Variants in CC2D2A observed in about 807,000 individuals in gnomAD.
The protein encoded by CC2D2A is coiled-coil and C2 domain containing 2A.
Under a neutral mutation model 212.9 loss-of-function variants are expected in CC2D2A, and 155 were observed. The ratio of observed to expected loss-of-function variants is 0.73; its 90% CI spans 0.64 to 0.83. The LOEUF is 0.83. Among genes scored for constraint, CC2D2A ranks in the 40% least tolerant of loss-of-function variants. CC2D2A has a pLI of 0.00. For missense variants in CC2D2A, 1,856 were observed against 1,956.2 expected, an observed-to-expected ratio of 0.95 and a Z score of 0.97; for synonymous variants, 667 against 686.5, an observed-to-expected ratio of 0.97 and a Z score of 0.44.
intron 4 of CC2D2A, among the ~76,000 whole-genome samples, chr4:15,497,612 A>G (rs186726121): frequency 6.6e-6 from 1 of 152,360 alleles, no homozygotes; most frequent in Admixed American, 6.5e-5. Flanking sequence ...ACAGCAATTT[A>G]TATTCCTACC....
At position 15,545,869 on chromosome 4, in the gene CC2D2A, G is replaced by T. The variant is rs533155763; in HGVS notation, c.2181+4855G>T. On this transcript the variant is annotated intron_variant, in intron 17 of 36. Coordinates refer to ENST00000424120, the MANE Select transcript of CC2D2A (RefSeq NM_001378615.1). ...CACACCTATCATCCCAGCACTTTGG[G>T]AGGCTGAGACGGAAGGATAGCTTGG... is the stretch of plus-strand genomic sequence containing the variant. Among the ~76,000 whole-genome samples the T allele has an allele frequency of 3.9e-5, 6 of 152,278 alleles. No individual in the cohort carries two copies. The East Asian group carries it at 9.6e-4, about 24-fold the overall frequency.
chr4:15,571,515 A>G (rs757088252), intron 28 of CC2D2A, among the ~76,000 whole-genome samples: 9 of 151,746 alleles, frequency 5.9e-5, no homozygotes, highest in Non-Finnish European at 8.8e-5. Flanking sequence ...ACCAAGACCA[A>G]TGGTGTGAAC....
chr4:15,500,075 TTGTGTG>T (rs753590658), intron 4 of CC2D2A, among the ~76,000 whole-genome samples: 2,105 of 124,330 alleles, frequency 0.017, 64 homozygotes, highest in African/African-American at 0.061. Context: ...CAAACCTAGA[TTGTGTG>T]TGTGTGTGTG....
At chr4:15,535,861 C>T (rs921387813) in intron 14 of CC2D2A, among the ~76,000 whole-genome samples, 18 of 152,114 alleles carry the variant, frequency 1.2e-4, no homozygotes, top group Admixed American at 3.9e-4. Flanking sequence ...AGTCAGTATT[C>T]GGCACCATCT....
At chr4:15,596,436 C>G (rs1169794336) in intron 34 of CC2D2A, among the ~76,000 whole-genome samples, 2 of 151,736 alleles carry the variant, frequency 1.3e-5, no homozygotes, top group Admixed American at 6.6e-5. Flanking sequence ...TATAAAGTTT[C>G]ATGACATAAA....
At chr4:15,582,023 G>A (rs1720683160) in intron 30 of CC2D2A, among the ~76,000 whole-genome samples, 1 of 152,140 alleles carries the variant, frequency 6.6e-6, no homozygotes, top group Non-Finnish European at 1.5e-5. Flanking sequence ...CTCCAGACAG[G>A]AGAATTATTG....
intron 21 of CC2D2A, among the ~76,000 whole-genome samples, chr4:15,558,493 T>C (rs1719401864): frequency 6.6e-6 from 1 of 152,112 alleles, no homozygotes; most frequent in Non-Finnish European, 1.5e-5. Context: ...CTAGGCTTCT[T>C]TGATGTGTTG....
chr4:15,547,877 T>C (rs949572157), intron 17 of CC2D2A, among the ~76,000 whole-genome samples: 2 of 151,830 alleles, frequency 1.3e-5, no homozygotes, highest in Non-Finnish European at 2.9e-5. Context: ...CCGTCTCTAT[T>C]AAAAATAGAA....
intron 29 of CC2D2A, 112 bp from the exon 30 acceptor site, chr4:15,579,856 A>G: frequency 1.3e-6 from 1 of 790,114 alleles, no homozygotes; most frequent in Non-Finnish European, 2.1e-6. Context: ...CTTTGTAAGG[A>G]GTCAGTCATA....
chr4:15,559,523 G>GT (rs2109060525), intron 22 of CC2D2A, among the ~76,000 whole-genome samples: 1 of 152,182 alleles, frequency 6.6e-6, no homozygotes, highest in African/African-American at 2.4e-5. Flanking sequence ...TCTAAGTCAT[G>GT]TTTTTTCTAA....
intron 4 of CC2D2A, among the ~76,000 whole-genome samples, chr4:15,499,136 G>A (rs182937738): frequency 9.2e-5 from 14 of 152,326 alleles, no homozygotes; most frequent in Admixed American, 8.5e-4. Context: ...GTGGAGCACA[G>A]AAGGTTTGAA....
chr4:15,579,935 T>C, intron 29 of CC2D2A, 33 bp from the exon 30 acceptor site: 1 of 1,542,162 alleles, frequency 6.5e-7, no homozygotes. Flanking sequence ...CTTGTAATCA[T>C]ACATAAACTC....
In CC2D2A at chr4:15,481,246, C is replaced by T. The variant is rs779151956; in HGVS notation, c.247+419C>T. The stretch of plus-strand genomic sequence containing the variant: ...TGGGCAGGCCAGGCACGGTGACTCA[C>T]GTCTGTAATCCCAGCACTTTGGAAG... On this transcript the variant is annotated intron_variant, in intron 4 of 36. Transcript: ENST00000424120. 1.6e-4 allele frequency: 75 copies of T among 454,754 alleles called. 3 individuals carry two copies. Among genetic ancestry groups the T allele is most frequent in the South Asian group, 9.9e-4 (64 of 64,420 alleles). 28.2% of individuals were successfully genotyped at this position (454,754 alleles called of 1,614,324 possible). A position where few individuals can be genotyped will look rare whatever the true frequency, so the allele number is the denominator to read the frequency against.
At chr4:15,475,845 A>C in intron 1 of CC2D2A, 70 bp from the exon 2 acceptor site, 5 of 1,213,586 alleles carry the variant, frequency 4.1e-6, no homozygotes, top group Non-Finnish European at 4.8e-6. Context: ...AGCCTCTTAC[A>C]TATCCATAGT....
In CC2D2A at chr4:15,557,476, A is replaced by C; in HGVS notation, c.2798A>C (p.Tyr933Ser). ...CGAAATTATAAGCAAGTTCCAGTCT[A>C]TGACCGAGAAATTATGGAAAAGGTA... ...EFRNYKQVPV[Y>S]DREIMEKVFQ... is the part of the protein sequence containing the mutation. The change falls in exon 21 of 37, where the codon TAT becomes TCT. Residue 933 changes from tyrosine (Y) to serine (S), a missense_variant. Tyr to Ser is a moderately radical substitution (Grantham distance 144, BLOSUM62 -2). Around this residue, in one of 5 missense-constraint regions of CC2D2A, gnomAD observed 1,512 missense variants for 1,579.3 expected, o/e 0.96. Coordinates refer to ENST00000424120, the MANE Select transcript of CC2D2A (RefSeq NM_001378615.1). 6.2e-7 allele frequency: 1 copy of C among 1,610,062 alleles called. No individual in the cohort carries two copies. The highest frequency in any genetic ancestry group is 8.5e-7 in the Non-Finnish European group (1 of 1,178,236).
At chr4:15,575,192 C>T (rs546520388) in intron 29 of CC2D2A, among the ~76,000 whole-genome samples, 17 of 152,262 alleles carry the variant, frequency 1.1e-4, no homozygotes, top group African/African-American at 3.9e-4. Flanking sequence ...GTACTGAATC[C>T]GTACTCTGTC....
intron 31 of CC2D2A, among the ~76,000 whole-genome samples, chr4:15,587,592 T>C (rs1306905201): frequency 6.6e-6 from 1 of 152,182 alleles, no homozygotes; most frequent in African/African-American, 2.4e-5. Context: ...ATAGTGAGTA[T>C]TGATTCTAGA....
At chr4:15,492,897 G>T in intron 4 of CC2D2A, 1 of 554,514 alleles carries the variant, frequency 1.8e-6, no homozygotes, top group East Asian at 4.5e-5. Context: ...CAGCCTGGGT[G>T]CTCAGTGTAG....
intron 35 of CC2D2A, 70 bp downstream of exon 35, chr4:15,597,535 T>C (rs1577404696): frequency 1.7e-6 from 2 of 1,178,954 alleles, no homozygotes; most frequent in East Asian, 5.1e-5. Flanking sequence ...TAAACCACTG[T>C]CAGCCTGGAT....
Sources: allele counts gnomAD v4.1 joint callset (sites outside exome capture counted in the v4.1 genomes callset), GRCh38; gene constraint gnomAD v4.1.1; regional missense constraint gnomAD v4.1.1; transcripts MANE v1.5; gene names NCBI Gene and HGNC (gene_info 2026-07-23, HGNC 2026-07-21).